Variants in PFKP observed in about 807,000 individuals in gnomAD.
PFKP encodes ATP-dependent 6-phosphofructokinase, platelet type.
A neutral mutation model predicts 94.3 loss-of-function variants in PFKP; 101 were observed. That is an observed-to-expected ratio of 1.07 (90% CI 0.91 to 1.26). The LOEUF (loss-of-function observed/expected upper bound fraction) is 1.26. PFKP is among the 50% of genes most tolerant of loss of function. The probability of loss-of-function intolerance (pLI) is 0.00; values close to 1 mark genes in which losing one functional copy is unlikely to be tolerated. For synonymous variants in PFKP, 573 were observed against 432.6 expected, an observed-to-expected ratio of 1.32 and a Z score of -4.03; for missense variants, 1,145 against 1,103.3, an observed-to-expected ratio of 1.04 and a Z score of -0.53.
intron 2 of PFKP, among the ~76,000 whole-genome samples, chr10:3,089,461 C>T (rs1833881712): frequency 6.6e-6 from 1 of 151,934 alleles, no homozygotes; most frequent in African/African-American, 2.4e-5. Context: ...GGGTATATGC[C>T]CAGCAGTGGG....
chr10:3,104,819 G>C (rs1160508457), intron 5 of PFKP: 1 of 496,562 alleles, frequency 2.0e-6, no homozygotes, highest in Non-Finnish European at 3.6e-6. Context: ...CACGGGGCCG[G>C]GGAGTGTGAG....
At chr10:3,121,803 C>CTTTTCTTTCTTTTTTTT (rs1564339123) in intron 16 of PFKP, among the ~76,000 whole-genome samples, 2 of 32,624 alleles carry the variant, frequency 6.1e-5, no homozygotes, top group African/African-American at 1.1e-4. Context: ...CTTTTTTTTT[C>CTTTTCTTTCTTTTTTTT]TTTTTTTTTT....
At position 3,113,208 on chromosome 10, in the gene PFKP, C is replaced by T. The variant is rs7071824; in HGVS notation, c.1224+20C>T. On this transcript the variant is annotated intron_variant, in intron 12 of 21. Transcript: ENST00000381125. ...CCAAAGGTAGGTGGCCGGCCTCCCG[C>T]GATGCCCCGACCTCTCCTGCGGGCC... 1.6e-3 allele frequency: 2,530 copies of T among 1,606,702 alleles called. 37 individuals carry two copies. The African/African-American group carries it at 0.026, about 16-fold the overall frequency.
chr10:3,126,599 C>T (rs1413572591), intron 16 of PFKP, among the ~76,000 whole-genome samples: 1 of 152,044 alleles, frequency 6.6e-6, no homozygotes, highest in African/African-American at 2.4e-5. Flanking sequence ...TCAGCAGAGG[C>T]TCGGCTGCCG....
At chr10:3,092,080 T>C (rs1278153429) in intron 2 of PFKP, among the ~76,000 whole-genome samples, 2 of 152,180 alleles carry the variant, frequency 1.3e-5, no homozygotes, top group Non-Finnish European at 2.9e-5. Flanking sequence ...ATGGAGCCTG[T>C]GCCACCTGAC....
chr10:3,105,283 G>T, intron 6 of PFKP, 110 bp from the exon 7 acceptor site: 1 of 1,294,798 alleles, frequency 7.7e-7, no homozygotes, highest in Non-Finnish European at 1.1e-6. Flanking sequence ...CCGGCATCCC[G>T]CTTCATACCT....
intron 10 of PFKP, 92 bp downstream of exon 10, chr10:3,109,572 C>A: frequency 6.8e-7 from 1 of 1,465,906 alleles, no homozygotes; most frequent in South Asian, 1.2e-5. Flanking sequence ...GGTGTCTCGT[C>A]GGTGCACGAT....
intron 2 of PFKP, among the ~76,000 whole-genome samples, chr10:3,090,241 C>T (rs1278808517): frequency 1.3e-5 from 2 of 152,210 alleles, no homozygotes; most frequent in African/African-American, 2.4e-5. Flanking sequence ...TGAGTCCTGG[C>T]CTGCCTCTCA....
At chr10:3,093,856 G>A (rs1012317674) in intron 2 of PFKP, among the ~76,000 whole-genome samples, 3 of 152,094 alleles carry the variant, frequency 2.0e-5, no homozygotes, top group South Asian at 2.1e-4. Flanking sequence ...TGTTAGCCAG[G>A]ATGGTCTCCA....
intron 10 of PFKP, among the ~76,000 whole-genome samples, chr10:3,111,067 TGA>T (rs1836180768): frequency 6.6e-6 from 1 of 151,792 alleles, no homozygotes; most frequent in Non-Finnish European, 1.5e-5. Flanking sequence ...TATATGTGTG[TGA>T]GGTAATGCAT....
Position 3,133,229 on chromosome 10 carries a change from C to T in PFKP, c.1937C>T (p.Thr646Ile). The change falls in exon 19 of 22, where the codon ACC becomes ATC. Residue 646 changes from threonine to isoleucine, a missense_variant. Physicochemically the swap from Thr to Ile is moderately conservative, Grantham distance 89. Around this residue, in one of 3 missense-constraint regions of PFKP, gnomAD observed 1,119 missense variants for 1,062.8 expected, o/e 1.05. Transcript: ENST00000381125. ...LRNESCSENY[T>I]TDFIYQLYSE... ...AATGAGAGCTGCAGTGAAAACTACA[C>T]CACCGACTTCATTTACCAGCTGTAT... is the stretch of plus-strand genomic sequence containing the variant. The T allele has an allele frequency of 6.2e-7, 1 of 1,613,962 alleles. No individual in the cohort carries two copies. The highest frequency in any genetic ancestry group is 8.5e-7 in the Non-Finnish European group (1 of 1,179,822).
At chr10:3,133,341 A>G (rs202132854) in intron 19 of PFKP, 27 bp downstream of exon 19, 3 of 1,380,728 alleles carry the variant, frequency 2.2e-6, no homozygotes, top group Non-Finnish European at 2.1e-6. Flanking sequence ...ATGAGGGGCC[A>G]CAAAGCCCCT....
At chr10:3,121,819 T>C (rs1243143498) in intron 16 of PFKP, among the ~76,000 whole-genome samples, 1 of 44,392 alleles carries the variant, frequency 2.3e-5, no homozygotes, top group African/African-American at 7.4e-5. Flanking sequence ...TTTTTTTTTT[T>C]TTTTTTTTTT....
chr10:3,090,080 T>A (rs929023622), intron 2 of PFKP, among the ~76,000 whole-genome samples: 2 of 152,248 alleles, frequency 1.3e-5, no homozygotes, highest in Non-Finnish European at 2.9e-5. Flanking sequence ...ATTCATTCTT[T>A]TTTATTGGCT....
intron 1 of PFKP, among the ~76,000 whole-genome samples, chr10:3,073,774 T>G (rs1313568424): frequency 6.6e-6 from 1 of 152,222 alleles, no homozygotes; most frequent in Non-Finnish European, 1.5e-5. Flanking sequence ...CCTTCATATC[T>G]TTTCAGCTGT....
At position 3,103,907 on chromosome 10, in the gene PFKP, A is replaced by T; in HGVS notation, c.583A>T (p.Ile195Phe). The T allele has an allele frequency of 6.2e-7, 1 of 1,613,880 alleles. No homozygotes were observed. The highest frequency in any genetic ancestry group is 1.3e-5 in the African/African-American group (1 of 75,068). ...CACGGACTCCGCCCTGCACAGGATC[A>T]TCGAGGTCGTCGACGCCATCATGAC... ...IGTDSALHRI[I>F]EVVDAIMTTA... The change falls in exon 5 of 22, where the codon ATC (isoleucine) becomes TTC (phenylalanine). Residue 195 changes from isoleucine to phenylalanine, a missense_variant. Physicochemically the swap from Ile to Phe is conservative, Grantham distance 21. Transcript: ENST00000381125.
At chr10:3,116,892 G>T in intron 14 of PFKP, 46 bp downstream of exon 14, 10 of 1,399,800 alleles carry the variant, frequency 7.1e-6, no homozygotes, top group Non-Finnish European at 1.0e-5. Flanking sequence ...AAGGAAGAAG[G>T]AAGAGCCGTG....
At chr10:3,102,894 C>T (rs924939857) in intron 4 of PFKP, among the ~76,000 whole-genome samples, 22 of 152,340 alleles carry the variant, frequency 1.4e-4, no homozygotes, top group African/African-American at 5.3e-4. Context: ...CCCGCTTGTC[C>T]ACCTCATCCC....
intron 5 of PFKP, 70 bp from the exon 6 acceptor site, chr10:3,105,045 C>CT: frequency 3.5e-6 from 5 of 1,435,638 alleles, no homozygotes; most frequent in Non-Finnish European, 4.9e-6. Context: ...GTTTCCAGGA[C>CT]TGAGTGGGTG....
Sources: gnomAD v4.1 joint callset for allele counts (sites outside exome capture counted in the v4.1 genomes callset) on GRCh38, gnomAD v4.1.1 for gene constraint, gnomAD v4.1.1 regional missense constraint, MANE v1.5 for transcripts, NCBI Gene and HGNC (gene_info 2026-07-23, HGNC 2026-07-21) for gene names.